RBFOX1: variants seen among roughly 807,000 people sequenced by gnomAD.
RBFOX1 encodes RNA binding fox-1 homolog 1.
In RBFOX1, 8 loss-of-function variants were observed where a neutral mutation model predicts 57.7. That is an observed-to-expected ratio of 0.14 (90% CI 0.08 to 0.25). RBFOX1 has a LOEUF of 0.25. RBFOX1 is among the 10% of genes least tolerant of loss of function. The pLI is 1.00. For synonymous variants in RBFOX1, 326 were observed against 222.4 expected (o/e 1.47, Z -4.15); for missense variants, 611 against 548.5 (o/e 1.11, Z -1.14).
chr16:5,968,778 G>A (rs1206148151), intron 4 of RBFOX1, among the ~76,000 whole-genome samples: 1 of 151,944 alleles, frequency 6.6e-6, no homozygotes, highest in East Asian at 1.9e-4. Context: ...CTTTGAAATA[G>A]GATTTTTAGA....
Position 7,558,120 on chromosome 16 carries a change from C to T in RBFOX1, c.271-21657C>T, listed in dbSNP as rs184098148. On this transcript the variant is annotated intron_variant, in intron 5 of 15. Coordinates refer to ENST00000550418, the MANE Select transcript of RBFOX1 (RefSeq NM_018723.4). ...CTGTAATTCCAGCACTTTGGGGGGCCGAGGTGGTAGATCACTGGAACCCAG... is the reference window on the plus strand; with the variant it reads ...CTGTAATTCCAGCACTTTGGGGGGCTGAGGTGGTAGATCACTGGAACCCAG... 1.5e-4 allele frequency among the ~76,000 whole-genome samples: 23 copies of T among 152,058 alleles called. No individual in the cohort carries two copies. The East Asian group carries it at 1.7e-3, about 12-fold the overall frequency.
At chr16:6,659,973 G>C (rs2098690799) in intron 3 of RBFOX1, among the ~76,000 whole-genome samples, 1 of 152,142 alleles carries the variant, frequency 6.6e-6, no homozygotes, top group South Asian at 2.1e-4. Context: ...GCTCATGCCT[G>C]TAATCCCAGC....
At position 6,378,102 on chromosome 16, in the gene RBFOX1, A is replaced by G. The variant is rs559327255; in HGVS notation, c.-64+61045A>G. Among the ~76,000 whole-genome samples the G allele has an allele frequency of 5.3e-5, 8 of 152,366 alleles. No homozygotes were observed. The South Asian group carries it at 1.7e-3, about 32-fold the overall frequency. ...GAGGGGCTCCACCCTGTGCCCGCCT[A>G]AGATGATGGCTCATTTATCAAGACC... On this transcript the variant is annotated intron_variant, in intron 2 of 15. Transcript: ENST00000550418.
chr16:5,288,044 G>C (rs547436265), intron 1 of RBFOX1, among the ~76,000 whole-genome samples: 7 of 152,318 alleles, frequency 4.6e-5, no homozygotes, highest in African/African-American at 1.4e-4. Flanking sequence ...GGGACTCGAT[G>C]TCCTGCAGGT....
At chr16:7,485,399 C>A (rs2151354002) in intron 4 of RBFOX1, among the ~76,000 whole-genome samples, 1 of 152,336 alleles carries the variant, frequency 6.6e-6, no homozygotes, top group South Asian at 2.1e-4. Flanking sequence ...CTTTTATTTT[C>A]TCCTTGTTGA....
intron 3 of RBFOX1, chr16:6,704,140 C>T (rs1447185516): frequency 2.6e-5 from 4 of 152,240 alleles, no homozygotes; most frequent in Admixed American, 6.5e-5. Flanking sequence ...TCCTCCTAGC[C>T]CCATGGGGCA....
intron 4 of RBFOX1, among the ~76,000 whole-genome samples, chr16:5,884,141 G>T (rs772608924): frequency 6.6e-6 from 1 of 152,138 alleles, no homozygotes; most frequent in Non-Finnish European, 1.5e-5. Flanking sequence ...TACAGCATGG[G>T]TCACAGTGCC....
At chr16:7,258,906 C>G (rs1458705031) in intron 4 of RBFOX1, among the ~76,000 whole-genome samples, 1 of 152,204 alleles carries the variant, frequency 6.6e-6, no homozygotes, top group Non-Finnish European at 1.5e-5. Context: ...CAGTGGTCCT[C>G]TGGTTTCCCA....
chr16:6,911,744 A>AC (rs2071664031), intron 3 of RBFOX1, among the ~76,000 whole-genome samples: 1 of 152,208 alleles, frequency 6.6e-6, no homozygotes, highest in East Asian at 1.9e-4. Flanking sequence ...TGTTTATTTT[A>AC]CCATGCATAC....
chr16:6,151,292 T>C (rs1424679046), intron 1 of RBFOX1, among the ~76,000 whole-genome samples: 1 of 152,150 alleles, frequency 6.6e-6, no homozygotes, highest in Non-Finnish European at 1.5e-5. Flanking sequence ...TAGTTGTTTT[T>C]TTTCTTTTTT....
intron 2 of RBFOX1, among the ~76,000 whole-genome samples, chr16:6,392,919 C>T (rs2092669831): frequency 6.6e-6 from 1 of 152,216 alleles, no homozygotes; most frequent in South Asian, 2.1e-4. Context: ...ATATGACCCA[C>T]CCTCTTCTGC....
chr16:7,462,936 C>T (rs983892509), intron 4 of RBFOX1, among the ~76,000 whole-genome samples: 1 of 152,240 alleles, frequency 6.6e-6, no homozygotes, highest in African/African-American at 2.4e-5. Flanking sequence ...CCAGGTAGTT[C>T]AGCTCTTCTC....
chr16:6,259,378 TCA>T (rs1395227545), intron 1 of RBFOX1, among the ~76,000 whole-genome samples: 3 of 152,164 alleles, frequency 2.0e-5, no homozygotes, highest in Non-Finnish European at 2.9e-5. Context: ...TCATCAGGAC[TCA>T]CAGCCTAAGC....
intron 3 of RBFOX1, among the ~76,000 whole-genome samples, chr16:5,727,235 G>C (rs1420457672): frequency 6.6e-6 from 1 of 151,572 alleles, no homozygotes; most frequent in Non-Finnish European, 1.5e-5. Flanking sequence ...TTGTGCCACT[G>C]CACTCCAGCC....
At chr16:7,318,197 G>A (rs2096481044) in intron 4 of RBFOX1, among the ~76,000 whole-genome samples, 1 of 152,064 alleles carries the variant, frequency 6.6e-6, no homozygotes, top group African/African-American at 2.4e-5. Flanking sequence ...TAGTGATGGT[G>A]TTGATAGTGG....
At chr16:6,418,076 C>A (rs9933333) in intron 2 of RBFOX1, among the ~76,000 whole-genome samples, 94,377 of 151,982 alleles carry the variant, frequency 0.62, 29,888 homozygotes, top group African/African-American at 0.76. Context: ...CCTCAGGCTC[C>A]TTACTGCCAT....
chr16:7,666,436 A>G (rs1345496709), intron 13 of RBFOX1, among the ~76,000 whole-genome samples: 1 of 152,214 alleles, frequency 6.6e-6, no homozygotes, highest in African/African-American at 2.4e-5. Flanking sequence ...AGTATTTCAC[A>G]ATCATTTAGT....
At chr16:6,497,650 A>G (rs1343053828) in intron 2 of RBFOX1, among the ~76,000 whole-genome samples, 1 of 151,710 alleles carries the variant, frequency 6.6e-6, no homozygotes, top group Admixed American at 6.6e-5. Context: ...TCTGCCTCCC[A>G]GGTTCAAGTG....
chr16:6,124,743 G>T (rs2096576721), intron 1 of RBFOX1, among the ~76,000 whole-genome samples: 1 of 152,044 alleles, frequency 6.6e-6, no homozygotes, highest in Admixed American at 6.6e-5. Context: ...GGCCAGGCTG[G>T]TCTCAAACTC....
Sources: gnomAD v4.1 joint callset for allele counts (sites outside exome capture counted in the v4.1 genomes callset) on GRCh38, gnomAD v4.1.1 for gene constraint, MANE v1.5 for transcripts, NCBI Gene and HGNC (gene_info 2026-07-23, HGNC 2026-07-21) for gene names.